The following SEMA6D variants were observed in gnomAD, a reference collection of about 807,000 sequenced individuals.
SEMA6D encodes semaphorin-6D.
SEMA6D carries 35 observed loss-of-function variants against 106.6 expected under a neutral mutation model. The ratio of observed to expected loss-of-function variants is 0.33; its 90% CI spans 0.25 to 0.44. The LOEUF (loss-of-function observed/expected upper bound fraction) is 0.44. SEMA6D is among the 20% of genes least tolerant of loss of function. The pLI is 1.00. For missense variants in SEMA6D, 1,185 were observed against 1,345.9 expected (o/e 0.88, Z 1.87); for synonymous variants, 499 against 487.7 (o/e 1.02, Z -0.31).
At chr15:47,272,286 C>G (rs553735470) in intron 1 of SEMA6D, among the ~76,000 whole-genome samples, 1 of 152,188 alleles carries the variant, frequency 6.6e-6, no homozygotes, top group Admixed American at 6.5e-5. Flanking sequence ...ATATTTTTCC[C>G]ATAGTAGGGG....
At chr15:47,577,182 TATG>T (rs1268135059) in intron 3 of SEMA6D, among the ~76,000 whole-genome samples, 1 of 152,364 alleles carries the variant, frequency 6.6e-6, no homozygotes, top group East Asian at 1.9e-4. Context: ...GCTCATGAAA[TATG>T]ATATTTACTT....
intron 3 of SEMA6D, among the ~76,000 whole-genome samples, chr15:47,498,473 A>G (rs1185199513): frequency 1.3e-5 from 2 of 152,150 alleles, no homozygotes; most frequent in Non-Finnish European, 2.9e-5. Context: ...TGAATGGGAA[A>G]GAGAGGTGCT....
intron 1 of SEMA6D, among the ~76,000 whole-genome samples, chr15:47,237,599 A>G (rs1230710806): frequency 1.3e-5 from 2 of 151,952 alleles, no homozygotes; most frequent in Admixed American, 1.3e-4. Flanking sequence ...GTCCTCCTCT[A>G]TTAAATGGAT....
chr15:47,474,538 A>T (rs1223148321), intron 3 of SEMA6D, among the ~76,000 whole-genome samples: 2 of 152,200 alleles, frequency 1.3e-5, no homozygotes, highest in African/African-American at 4.8e-5. Flanking sequence ...AATCATCTTA[A>T]AATATGATTC....
At chr15:47,568,370 T>C (rs1288112769) in intron 3 of SEMA6D, among the ~76,000 whole-genome samples, 1 of 152,174 alleles carries the variant, frequency 6.6e-6, no homozygotes, top group Non-Finnish European at 1.5e-5. Flanking sequence ...AAATTAATTA[T>C]AATGTGATCA....
At chr15:47,289,374 A>G (rs1252650258) in intron 1 of SEMA6D, among the ~76,000 whole-genome samples, 1 of 144,860 alleles carries the variant, frequency 6.9e-6, no homozygotes, top group African/African-American at 2.6e-5. Context: ...AGCCTGGGTG[A>G]CAGAGCAAAA....
intron 1 of SEMA6D, among the ~76,000 whole-genome samples, chr15:47,282,334 C>CT (rs201233078): frequency 0.017 from 2,594 of 152,172 alleles, 47 homozygotes; most frequent in African/African-American, 0.02. Flanking sequence ...CTCTTTGTGT[C>CT]GGCTTCTTTT....
chr15:47,192,653 G>T (rs921635720), intron 1 of SEMA6D, among the ~76,000 whole-genome samples: 1 of 152,004 alleles, frequency 6.6e-6, no homozygotes, highest in African/African-American at 2.4e-5. Flanking sequence ...AAACAATACT[G>T]TACAGAGTAT....
chr15:47,731,851 A>AT (rs1371311734), intron 1 of SEMA6D, among the ~76,000 whole-genome samples: 1 of 152,228 alleles, frequency 6.6e-6, no homozygotes, highest in Non-Finnish European at 1.5e-5. Context: ...ACATAGGTGT[A>AT]TGTAAATATA....
At chr15:47,260,127 T>C (rs2034003564) in intron 1 of SEMA6D, among the ~76,000 whole-genome samples, 1 of 152,132 alleles carries the variant, frequency 6.6e-6, no homozygotes, top group Non-Finnish European at 1.5e-5. Flanking sequence ...TATAATTGAT[T>C]TTTTAAAAAT....
intron 16 of SEMA6D, 104 bp downstream of exon 16, chr15:47,766,781 A>G (rs2147873004): frequency 3.9e-6 from 3 of 778,562 alleles, no homozygotes; most frequent in East Asian, 5.4e-5. Context: ...GACACATACC[A>G]CCTAGCATTT....
chr15:47,697,602 A>G (rs8038326), intron 4 of SEMA6D, among the ~76,000 whole-genome samples: 31,162 of 152,184 alleles, frequency 0.2, 4,121 homozygotes, highest in Middle Eastern at 0.29. Context: ...GATTTGTTAG[A>G]AATCAAACTC....
intron 2 of SEMA6D, among the ~76,000 whole-genome samples, chr15:47,459,488 A>G (rs1475638294): frequency 6.6e-6 from 1 of 152,044 alleles, no homozygotes; most frequent in Non-Finnish European, 1.5e-5. Context: ...CATCTGAGAG[A>G]AAGAGGAGAA....
chr15:47,416,996 A>G (rs2040989305), intron 2 of SEMA6D, among the ~76,000 whole-genome samples: 1 of 152,116 alleles, frequency 6.6e-6, no homozygotes, highest in South Asian at 2.1e-4. Context: ...GCATCTGACA[A>G]AATGTCGTTA....
chr15:47,740,618 A>G (rs2080755112), intron 1 of SEMA6D, among the ~76,000 whole-genome samples: 1 of 152,228 alleles, frequency 6.6e-6, no homozygotes, highest in South Asian at 2.1e-4. Context: ...CTGCCTGGTC[A>G]GCAAGATACT....
intron 1 of SEMA6D, among the ~76,000 whole-genome samples, chr15:47,741,995 CTAAGGATGA>C (rs2080849820): frequency 6.6e-6 from 1 of 152,094 alleles, no homozygotes; most frequent in South Asian, 2.1e-4. Context: ...GCGCTGGGTC[CTAAGGATGA>C]CTAGGAATTT....
chr15:47,585,648 G>A (rs894779736), intron 3 of SEMA6D, among the ~76,000 whole-genome samples: 4 of 152,160 alleles, frequency 2.6e-5, no homozygotes, highest in Non-Finnish European at 5.9e-5. Flanking sequence ...AGTACTAACT[G>A]ATCTAGGTGC....
At chr15:47,702,566 A>G (rs1368773322) in intron 4 of SEMA6D, among the ~76,000 whole-genome samples, 1 of 152,250 alleles carries the variant, frequency 6.6e-6, no homozygotes, top group African/African-American at 2.4e-5. Flanking sequence ...AAACTTGTAT[A>G]TGGATATTTA....
chr15:47,263,185 A>C (rs538283347), intron 1 of SEMA6D, among the ~76,000 whole-genome samples: 1 of 152,330 alleles, frequency 6.6e-6, no homozygotes, highest in African/African-American at 2.4e-5. Context: ...ACAAAAAGAA[A>C]AATTAACAAA....
Sources: gnomAD v4.1 joint callset for allele counts (sites outside exome capture counted in the v4.1 genomes callset) on GRCh38, gnomAD v4.1.1 for gene constraint, MANE v1.5 for transcripts, NCBI Gene and HGNC (gene_info 2026-07-23, HGNC 2026-07-21) for gene names.